The following LGI1 variants were observed in gnomAD, a reference collection of about 807,000 sequenced individuals.
LGI1 encodes leucine rich glioma inactivated 1.
A neutral mutation model predicts 57.7 loss-of-function variants in LGI1; 11 were observed. The observed-to-expected ratio is 0.19, with a 90% CI of 0.12 to 0.32. The LOEUF (loss-of-function observed/expected upper bound fraction) is 0.32, where lower values mean the gene tolerates loss of function less well. LGI1 is among the 10% of genes least tolerant of loss of function. The pLI is 1.00. For missense variants in LGI1, 422 were observed against 661.9 expected (o/e 0.64, Z 3.98); for synonymous variants, 222 against 241.9 (o/e 0.92, Z 0.76).
At chr10:93,762,662 A>G (rs974848591) in intron 2 of LGI1, 1 of 152,244 alleles carries the variant, frequency 6.6e-6, no homozygotes, top group African/African-American at 2.4e-5. Context: ...TGGACCAAAA[A>G]GCAAAAATTT....
intron 2 of LGI1, chr10:93,763,294 ACAGACACACACACACACACG>A (rs954391822): frequency 5.1e-5 from 4 of 78,454 alleles, no homozygotes; most frequent in Non-Finnish European, 5.9e-5. Flanking sequence ...ACACACACAC[ACAGACACACACACACACACG>A]TGCCCAAACA....
rs1189897244 is a variant in LGI1, at chr10:93,758,931, T to A, written c.287+100T>A. ...ATATTAATTTTGTCAAATGTGATTC[T>A]ATTTCTGAGAAAACAGAATATCCGT... is the stretch of plus-strand genomic sequence containing the variant. On this transcript the variant is annotated intron_variant, in intron 2 of 7. Coordinates refer to ENST00000371418, the MANE Select transcript of LGI1 (RefSeq NM_005097.4). The surrounding 1 kb of genome is among the most constrained non-coding windows in gnomAD (Gnocchi z 4.7). The A allele has an allele frequency of 9.5e-6, 9 of 943,000 alleles. No homozygotes were observed. Among genetic ancestry groups the A allele is most frequent in the Admixed American group, 7.6e-5 (4 of 52,594 alleles). 58.4% of individuals were successfully genotyped at this position (943,000 alleles called of 1,614,324 possible).
chr10:93,780,772 G>C (rs2059840488), intron 4 of LGI1, among the ~76,000 whole-genome samples: 1 of 152,160 alleles, frequency 6.6e-6, no homozygotes, highest in Non-Finnish European at 1.5e-5. Context: ...TATTGAGCTG[G>C]CTGGATCCTT....
Position 93,797,204 on chromosome 10 carries a change from A to C in LGI1, c.1075A>C (p.Ile359Leu), listed in dbSNP as rs148263562. The C allele has an allele frequency of 6.2e-7, 1 of 1,614,198 alleles. No individual in the cohort carries two copies. Among genetic ancestry groups the C allele is most frequent in the Non-Finnish European group, 8.5e-7 (1 of 1,180,026 alleles). The change falls in exon 8 of 8, where the codon ATT becomes CTT. Residue 359 changes from isoleucine to leucine, a missense_variant. Physicochemically the swap from Ile to Leu is conservative, Grantham distance 5. Around this residue, in one of 3 missense-constraint regions of LGI1, gnomAD observed 301 missense variants for 461.7 expected, o/e 0.65. Coordinates refer to ENST00000371418, the MANE Select transcript of LGI1 (RefSeq NM_005097.4). The surrounding 1 kb of genome is among the most constrained non-coding windows in gnomAD (Gnocchi z 6.5). The stretch of plus-strand genomic sequence containing the variant: ...CAGTTCAAAAGCTGGTTTTACTACC[A>C]TTTACAAATGGAACGGAAACGGATT... ...ADSSKAGFTT[I>L]YKWNGNGFYS... is the part of the protein sequence containing the mutation.
At chr10:93,763,382 C>T (rs573517528) in intron 2 of LGI1, 1 of 152,390 alleles carries the variant, frequency 6.6e-6, no homozygotes, top group African/African-American at 2.4e-5. Context: ...CTAGACTTTA[C>T]TGATGTCTGG....
At chr10:93,771,126 C>T (rs991613734) in intron 2 of LGI1, 14 of 152,082 alleles carry the variant, frequency 9.2e-5, no homozygotes, top group Non-Finnish European at 2.1e-4. Context: ...TGAAGGATAT[C>T]ACATACTCAA....
intron 2 of LGI1, chr10:93,763,201 C>A (rs1176359911): frequency 6.6e-6 from 1 of 152,278 alleles, no homozygotes; most frequent in Non-Finnish European, 1.5e-5. Context: ...AGTCCAGACA[C>A]CTGAGCTGGC....
Position 93,758,917 on chromosome 10 carries a change from G to T in LGI1, c.287+86G>T. 1 of 1,030,846 alleles carries T rather than the reference G, an allele frequency of 9.7e-7. No homozygotes were observed. Among genetic ancestry groups the T allele is most frequent in the Non-Finnish European group, 1.5e-6 (1 of 664,574 alleles). The allele number at this position is 1,030,846 out of a possible 1,614,324, so 63.9% of individuals were successfully genotyped here. ...GTAAAATGATCTCAATATTAATTTT[G>T]TCAAATGTGATTCTATTTCTGAGAA... On this transcript the variant is annotated intron_variant, in intron 2 of 7. Transcript: ENST00000371418. This position sits in a 1 kb window ranked among gnomAD's most constrained non-coding sequence, Gnocchi z 4.7.
chr10:93,764,731 A>T (rs1248397372), intron 2 of LGI1: 1 of 152,244 alleles, frequency 6.6e-6, no homozygotes, highest in African/African-American at 2.4e-5. Context: ...TACAGTAAGG[A>T]TTAAGTAAAA....
At chr10:93,795,254 T>C (rs2059970458) in intron 7 of LGI1, among the ~76,000 whole-genome samples, 1 of 152,170 alleles carries the variant, frequency 6.6e-6, no homozygotes, top group South Asian at 2.1e-4. Context: ...AAAAAATACC[T>C]TGACTGCGTA....
rs2059582058 is a variant in LGI1, at chr10:93,757,994, A to G, written c.-151A>G. 1 of 727,478 alleles carries G rather than the reference A, an allele frequency of 1.4e-6. No homozygotes were observed. Among genetic ancestry groups the G allele is most frequent in the Admixed American group, 2.0e-5 (1 of 48,866 alleles). 45.1% of individuals were successfully genotyped at this position (727,478 alleles called of 1,614,324 possible). On this transcript the variant is annotated 5_prime_UTR_variant, in exon 1 of 8. Transcript: ENST00000371418. The stretch of plus-strand genomic sequence containing the variant: ...GCATTGCTGGAGCGAGGAGAAGCTC[A>G]CGAATCAGCTGCAGGTCTCTGTTTT...
intron 2 of LGI1, among the ~76,000 whole-genome samples, chr10:93,760,801 G>A (rs117667430): frequency 0.012 from 1,828 of 152,202 alleles, 20 homozygotes; most frequent in Non-Finnish European, 0.021. Flanking sequence ...CCCATGCTCC[G>A]AGTTCCTATG....
intron 5 of LGI1, 64 bp downstream of exon 5, chr10:93,790,234 G>T: frequency 7.6e-7 from 1 of 1,315,722 alleles, no homozygotes; most frequent in African/African-American, 1.5e-5. Context: ...AGGAAGCCTG[G>T]TATTGATTAT....
At chr10:93,791,415 T>C in intron 5 of LGI1, 1 of 152,166 alleles carries the variant, frequency 6.6e-6, no homozygotes, top group East Asian at 1.9e-4. Context: ...TACCCTACAC[T>C]AGTGAAAGAC....
chr10:93,779,727 C>T (rs1255063048), intron 4 of LGI1, among the ~76,000 whole-genome samples: 1 of 152,166 alleles, frequency 6.6e-6, no homozygotes, highest in Admixed American at 6.5e-5. Context: ...TGATACAGAA[C>T]ACGCTTAACA....
At chr10:93,759,870 T>C (rs764277877) in intron 2 of LGI1, among the ~76,000 whole-genome samples, 8 of 152,232 alleles carry the variant, frequency 5.3e-5, no homozygotes, top group South Asian at 2.1e-4. Context: ...CTGCCACTCA[T>C]AGAACCTAAA....
In LGI1 at chr10:93,758,083, A is replaced by G; in HGVS notation, c.-62A>G. 4.8e-6 allele frequency: 7 copies of G among 1,470,716 alleles called. No homozygotes were observed. Among genetic ancestry groups the G allele is most frequent in the Non-Finnish European group, 6.6e-6 (7 of 1,052,714 alleles). 91.1% of individuals were successfully genotyped at this position (1,470,716 alleles called of 1,614,324 possible). On this transcript the variant is annotated 5_prime_UTR_variant, in exon 1 of 8. Coordinates refer to ENST00000371418, the MANE Select transcript of LGI1 (RefSeq NM_005097.4). The surrounding 1 kb of genome is among the most constrained non-coding windows in gnomAD (Gnocchi z 4.7). ...CTCCTATGTGACCTGTTCTTAGAGC[A>G]AGACAATCACCATCTGAATTCCAGA...
intron 4 of LGI1, among the ~76,000 whole-genome samples, chr10:93,786,273 T>C (rs1292949510): frequency 2.1e-5 from 1 of 47,178 alleles, no homozygotes; most frequent in African/African-American, 3.0e-5. Flanking sequence ...TCTAACCCTG[T>C]AGGTAGCTTT....
intron 5 of LGI1, chr10:93,790,390 T>A: frequency 1.8e-6 from 1 of 550,980 alleles, no homozygotes; most frequent in Non-Finnish European, 3.2e-6. Context: ...CACCCAGGCA[T>A]TCCTTTGACA....
Sources: gnomAD v4.1 joint callset for allele counts (sites outside exome capture counted in the v4.1 genomes callset) on GRCh38, gnomAD v4.1.1 for gene constraint, gnomAD v4.1.1 regional missense constraint, Gnocchi (gnomAD v3.1) non-coding constraint, MANE v1.5 for transcripts, NCBI Gene and HGNC (gene_info 2026-07-23, HGNC 2026-07-21) for gene names.